Variants in EVL observed in about 807,000 individuals in gnomAD.
EVL encodes Enah/Vasp-like.
Under a neutral mutation model 59.6 loss-of-function variants are expected in EVL, and 21 were observed. The ratio of observed to expected loss-of-function variants is 0.35; its 90% CI spans 0.25 to 0.51. The LOEUF is 0.51. Among genes scored for constraint, EVL ranks in the 20% least tolerant of loss-of-function variants. The probability of loss-of-function intolerance (pLI) is 0.97; values close to 1 mark genes in which losing one functional copy is unlikely to be tolerated. For synonymous variants in EVL, 198 were observed against 203.5 expected (o/e 0.97, Z 0.23); for missense variants, 462 against 546.6 (o/e 0.85, Z 1.54).
chr14:100,079,314 T>A (rs2062238598), intron 1 of EVL, among the ~76,000 whole-genome samples: 1 of 152,242 alleles, frequency 6.6e-6, no homozygotes, highest in Non-Finnish European at 1.5e-5. Context: ...GTGAGTAGAA[T>A]GTTCCCACGG....
intron 3 of EVL, 133 bp downstream of exon 3, chr14:100,097,791 A>C: frequency 1.3e-6 from 1 of 748,996 alleles, no homozygotes; most frequent in Non-Finnish European, 2.1e-6. Context: ...TTCTCAGAGA[A>C]ACCTGCTGCC....
intron 1 of EVL, among the ~76,000 whole-genome samples, chr14:99,994,231 C>T (rs2060897313): frequency 6.9e-6 from 1 of 143,894 alleles, no homozygotes; most frequent in Admixed American, 7.3e-5. Flanking sequence ...TTCAACCAAT[C>T]TATGTCTTTT....
chr14:100,001,022 CAT>C (rs1014407427), intron 1 of EVL, among the ~76,000 whole-genome samples: 6 of 152,172 alleles, frequency 3.9e-5, no homozygotes, highest in African/African-American at 1.4e-4. Context: ...TGAGAAGTCT[CAT>C]GTCCTATGAA....
rs764552158 is a variant in EVL, at chr14:100,029,610, G to C, written c.6-55077G>C. 4.6e-5 allele frequency among the ~76,000 whole-genome samples: 7 copies of C among 152,192 alleles called. No homozygotes were observed. In the South Asian group the frequency reaches 1.2e-3, roughly 27 times the overall value. On this transcript the variant is annotated intron_variant, in intron 1 of 13. Coordinates refer to the EVL transcript ENST00000402714. ...ACAGATAACGTGCTGTGGCCGGGAG[G>C]TGGACACAGTTTTGCTGTATAAAAG... is the stretch of plus-strand genomic sequence containing the variant.
At chr14:99,984,528 CAG>C (rs1206732063) in intron 1 of EVL, among the ~76,000 whole-genome samples, 9 of 152,118 alleles carry the variant, frequency 5.9e-5, no homozygotes, top group African/African-American at 2.2e-4. Flanking sequence ...GAAGGTTGTA[CAG>C]AGAGTTCCTA....
intron 1 of EVL, among the ~76,000 whole-genome samples, chr14:99,984,626 C>T (rs1336561553): frequency 1.3e-5 from 2 of 151,958 alleles, no homozygotes; most frequent in Admixed American, 1.3e-4. Flanking sequence ...TTATTATTAT[C>T]ATTTGAGACA....
chr14:100,129,890 C>T (rs560848913), intron 7 of EVL, among the ~76,000 whole-genome samples: 2 of 152,352 alleles, frequency 1.3e-5, no homozygotes, highest in East Asian at 3.9e-4. Context: ...ACTCCAGATC[C>T]TTCATTTTAG....
At position 99,975,915 on chromosome 14, in the gene EVL, CCTT is replaced by C. The variant is rs1457074871; in HGVS notation, c.5+3861_5+3863del. ...TCTCTCTTCTTTATTCTGGTTATCT[CCTT>C]CTCACTGTCTGTCTCTCTCCATCAC... is the stretch of plus-strand genomic sequence containing the variant. On this transcript the variant is annotated intron_variant, in intron 1 of 13. Transcript: ENST00000402714. Among the ~76,000 whole-genome samples the C allele has an allele frequency of 2.6e-5, 4 of 152,254 alleles. No homozygotes were observed. In the East Asian group the frequency reaches 7.7e-4, roughly 29 times the overall value.
intron 1 of EVL, among the ~76,000 whole-genome samples, chr14:100,013,585 C>G (rs766704882): frequency 6.6e-6 from 1 of 152,138 alleles, no homozygotes; most frequent in African/African-American, 2.4e-5. Flanking sequence ...GATCCGGGAC[C>G]GAGGGTCCCC....
At chr14:100,097,455 G>T (rs779805035) in intron 2 of EVL, 26 bp from the exon 3 acceptor site, 1 of 1,582,456 alleles carries the variant, frequency 6.3e-7, no homozygotes, top group Non-Finnish European at 8.6e-7. Flanking sequence ...TTATTTACAC[G>T]TATTTCTCTC....
intron 1 of EVL, among the ~76,000 whole-genome samples, chr14:100,053,984 C>T (rs184418234): frequency 3.3e-5 from 5 of 150,532 alleles, no homozygotes; most frequent in African/African-American, 1.2e-4. Context: ...AAGGAAGTTC[C>T]GTATTAATTA....
At chr14:100,133,657 G>A (rs1024281502) in intron 8 of EVL, among the ~76,000 whole-genome samples, 5 of 152,156 alleles carry the variant, frequency 3.3e-5, no homozygotes, top group African/African-American at 9.7e-5. Flanking sequence ...ACAGCCTCCC[G>A]GCCGGCTCAA....
Position 100,084,647 on chromosome 14 carries a change from C to T in EVL, c.12-40C>T, listed in dbSNP as rs201943563. 3.4e-5 allele frequency: 55 copies of T among 1,607,096 alleles called. No individual in the cohort carries two copies. In the East Asian group the frequency reaches 1.2e-3, roughly 34 times the overall value. ...AAAGGGCAAAGTCAACTTCCATCCA[C>T]TGTAGCTGAGGCTGACACCAGTTTT... On this transcript the variant is annotated intron_variant, in intron 1 of 13. Coordinates refer to ENST00000392920, the MANE Select transcript of EVL (RefSeq NM_016337.3).
At chr14:100,000,277 G>A (rs1335674488) in intron 1 of EVL, among the ~76,000 whole-genome samples, 1 of 151,716 alleles carries the variant, frequency 6.6e-6, no homozygotes, top group African/African-American at 2.4e-5. Flanking sequence ...CAGAAAGGCA[G>A]GACAACTCAA....
chr14:100,013,291 G>T (rs947476919), intron 1 of EVL, among the ~76,000 whole-genome samples: 1 of 152,242 alleles, frequency 6.6e-6, no homozygotes, highest in Non-Finnish European at 1.5e-5. Context: ...GAATTCAGGA[G>T]TTTTAGAGAT....
intron 1 of EVL, among the ~76,000 whole-genome samples, chr14:99,984,896 A>G (rs1389201918): frequency 6.6e-6 from 1 of 152,182 alleles, no homozygotes; most frequent in Non-Finnish European, 1.5e-5. Flanking sequence ...TATTACAGGC[A>G]TAAGCCACTG....
At position 99,994,112 on chromosome 14, in the gene EVL, C is replaced by CTTTTTTTTTTT. The variant is rs751533422; in HGVS notation, c.5+22071_5+22081dup. Among the ~76,000 whole-genome samples the CTTTTTTTTTTT allele has an allele frequency of 1.0e-3, 57 of 55,172 alleles. 6 individuals carry two copies. The highest frequency in any genetic ancestry group is 2.4e-3 in the African/African-American group (27 of 11,308). 36.2% of individuals were successfully genotyped at this position (55,172 alleles called of 152,430 possible). A position where few individuals can be genotyped will look rare whatever the true frequency, so the allele number is the denominator to read the frequency against. On this transcript the variant is annotated intron_variant, in intron 1 of 13. Transcript: ENST00000402714. ...TGAGCCACTACACCCAGCCTTTTGG[C>CTTTTTTTTTTT]TTTTTTTTTTTTTTTTTTTTTTTTT... is the stretch of plus-strand genomic sequence containing the variant.
At chr14:100,139,804 G>A (rs901416108) in intron 11 of EVL, 1 of 152,320 alleles carries the variant, frequency 6.6e-6, no homozygotes, top group East Asian at 1.9e-4. Flanking sequence ...GGCCACATAC[G>A]TTTCCCTGAA....
chr14:100,015,520 T>G (rs961784330), intron 1 of EVL, among the ~76,000 whole-genome samples: 1 of 152,106 alleles, frequency 6.6e-6, no homozygotes, highest in African/African-American at 2.4e-5. Context: ...GGAATGACAC[T>G]AGAAAGAGGA....
Sources: gnomAD v4.1 joint callset for allele counts (sites outside exome capture counted in the v4.1 genomes callset) on GRCh38, gnomAD v4.1.1 for gene constraint, MANE v1.5 for transcripts, NCBI Gene and HGNC (gene_info 2026-07-23, HGNC 2026-07-21) for gene names.